The following METTL6 variants were observed in gnomAD, a reference collection of about 807,000 sequenced individuals.
METTL6 encodes the protein tRNA N(3)-cytidine methyltransferase METTL6.
METTL6 carries 22 observed loss-of-function variants against 26.4 expected under a neutral mutation model. The observed-to-expected ratio is 0.83, with a 90% CI of 0.59 to 1.19. The LOEUF is 1.19. METTL6 is among the 50% of genes most tolerant of loss of function. The probability of loss-of-function intolerance (pLI) is 0.00; values close to 1 mark genes in which losing one functional copy is unlikely to be tolerated. For missense variants in METTL6, 304 were observed against 324.8 expected (o/e 0.94, Z 0.49); for synonymous variants, 109 against 116.2 (o/e 0.94, Z 0.40).
Position 15,425,106 on chromosome 3 carries a change from C to CA in METTL6, c.226-18dup, listed in dbSNP as rs762557212. 3.7e-6 allele frequency: 6 copies of CA among 1,613,376 alleles called. No individual in the cohort carries two copies. The highest frequency in any genetic ancestry group is 1.3e-5 in the African/African-American group (1 of 74,836). On this transcript the variant is annotated splice_polypyrimidine_tract_variant and intron_variant, in intron 2 of 5. Transcript: ENST00000383790. ...ATCTTCAAACTGGGGAAAGACAGCTCAAAGTTATAGTATATCACATTTGCA... is the reference window on the plus strand; with the variant it reads ...ATCTTCAAACTGGGGAAAGACAGCTCAAAAGTTATAGTATATCACATTTGCA...
At chr3:15,389,538 T>A (rs2124896754) in intron 6 of METTL6, among the ~76,000 whole-genome samples, 1 of 152,246 alleles carries the variant, frequency 6.6e-6, no homozygotes, top group African/African-American at 2.4e-5. Context: ...TCCTCCAGAA[T>A]TTATTTTTTA....
upstream of METTL6, chr3:15,427,595 T>C: frequency 1.7e-6 from 1 of 600,298 alleles, no homozygotes; most frequent in Non-Finnish European, 2.9e-6. Flanking sequence ...CCTCCTCAGA[T>C]TCCTCTCTCA....
chr3:15,395,496 T>C (rs558764936), intron 6 of METTL6, among the ~76,000 whole-genome samples: 110 of 152,326 alleles, frequency 7.2e-4, no homozygotes, highest in Non-Finnish European at 1.3e-3. Context: ...TTAGTCCATT[T>C]ACATTTAAGG....
In METTL6 at chr3:15,415,916, T is replaced by C. The variant is rs1700186234; in HGVS notation, c.387A>G (p.Arg129=). The change falls in exon 4 of 6, where the codon AGA becomes AGG. Residue 129 remains arginine, a synonymous_variant. Transcript: ENST00000383790. ...VKQNPLYDTE[R]CKVFQCDLTK... ...TCAGATCACACTGGAATACCTTGCA[T>C]CTTTCTGTATCATATAAAGGATTTT... 6.2e-7 allele frequency: 1 copy of C among 1,612,718 alleles called. No homozygotes were observed. Among genetic ancestry groups the C allele is most frequent in the Non-Finnish European group, 8.5e-7 (1 of 1,179,672 alleles).
chr3:15,404,390 T>A (rs1466436740), intron 6 of METTL6, among the ~76,000 whole-genome samples: 1 of 152,200 alleles, frequency 6.6e-6, no homozygotes, highest in East Asian at 1.9e-4. Flanking sequence ...TCACACAGGC[T>A]GGAGTACAGT....
chr3:15,405,163 C>T (rs1480427821), downstream of METTL6, among the ~76,000 whole-genome samples: 1 of 152,002 alleles, frequency 6.6e-6, no homozygotes, highest in African/African-American at 2.4e-5. Context: ...TATTTACTCA[C>T]AGGAAAAAAA....
At position 15,411,425 on chromosome 3, in the gene METTL6, T is replaced by A. The variant is rs1699959876; in HGVS notation, c.686A>T (p.Gln229Leu). The A allele has an allele frequency of 1.2e-6, 2 of 1,613,538 alleles. No homozygotes were observed. The highest frequency in any genetic ancestry group is 1.7e-6 in the Non-Finnish European group (2 of 1,179,888). ...SYFFTDDFLA[Q>L]LFMDTGYEEV... ...TTCATAACCTGTGTCCATAAAGAGC[T>A]GAGCCAGGAAGTCTGTAAGACAAGC... Residue 229 changes from glutamine to leucine, a missense_variant, in exon 6 of 6, where the codon CAG becomes CTG. By Grantham distance (113) the Gln-to-Leu change is moderately radical. Transcript: ENST00000383790.
At chr3:15,400,082 C>T (rs56380514) in intron 6 of METTL6, among the ~76,000 whole-genome samples, 3,022 of 152,086 alleles carry the variant, frequency 0.02, 81 homozygotes, top group African/African-American at 0.067. Context: ...GATTGTGGGT[C>T]GACACGTCCC....
At chr3:15,422,303 G>A (rs562461547) in intron 3 of METTL6, among the ~76,000 whole-genome samples, 1 of 152,126 alleles carries the variant, frequency 6.6e-6, no homozygotes, top group South Asian at 2.1e-4. Flanking sequence ...TCCATCCTGG[G>A]TGACAGAGTG....
chr3:15,415,720 G>A, intron 4 of METTL6, 52 bp downstream of exon 4: 1 of 1,600,590 alleles, frequency 6.2e-7, no homozygotes, highest in Non-Finnish European at 8.5e-7. Context: ...GGGAAGGTAA[G>A]TAAAAGAATC....
intron 4 of METTL6, 118 bp from the exon 5 acceptor site, chr3:15,414,280 CA>C (rs760936280): frequency 1.4e-6 from 2 of 1,472,712 alleles, no homozygotes; most frequent in East Asian, 2.4e-5. Flanking sequence ...CTGAAATGCC[CA>C]TAATACGGAA....
In METTL6 at chr3:15,415,931, T is replaced by C. The variant is rs749091689; in HGVS notation, c.372A>G (p.Leu124=). The change falls in exon 4 of 6, where the codon TTA becomes TTG. Residue 124 remains leucine (L), a synonymous_variant. Coordinates refer to ENST00000383790, the MANE Select transcript of METTL6 (RefSeq NM_152396.4). Reference sequence around the variant, plus strand: ...ATACCTTGCATCTTTCTGTATCATATAAAGGATTTTGCTACAGGGGGAAGA... The same window carrying C: ...ATACCTTGCATCTTTCTGTATCATACAAAGGATTTTGCTACAGGGGGAAGA... The part of the protein sequence containing the change: ...RAIEYVKQNP[L]YDTERCKVFQ... The C allele has an allele frequency of 9.9e-6, 16 of 1,608,230 alleles. No homozygotes were observed. The highest frequency in any genetic ancestry group is 1.2e-5 in the Non-Finnish European group (14 of 1,177,662).
At chr3:15,422,959 A>G (rs951770334) in intron 3 of METTL6, among the ~76,000 whole-genome samples, 10 of 152,274 alleles carry the variant, frequency 6.6e-5, no homozygotes, top group African/African-American at 2.4e-4. Flanking sequence ...ATAATATAGA[A>G]CATAGAGGAA....
At position 15,413,959 on chromosome 3, in the gene METTL6, T is replaced by C. The variant is rs1700079337; in HGVS notation, c.673+62A>G. On this transcript the variant is annotated intron_variant, in intron 5 of 5. Transcript: ENST00000383790. ...TCTCCAAGCAGCCTTGCAGTGATAA[T>C]GCAATCAAATAAACAGAAACAAAGA... 3 of 1,609,814 alleles carry C rather than the reference T, an allele frequency of 1.9e-6. No individual in the cohort carries two copies. In the East Asian group the frequency reaches 6.7e-5, roughly 36 times the overall value.
At chr3:15,408,562 C>CTTTT (rs57787117), downstream of METTL6, among the ~76,000 whole-genome samples, 43,911 of 115,986 alleles carry the variant, frequency 0.38, 9,844 homozygotes, top group East Asian at 0.49. Flanking sequence ...GCTCCTTGCT[C>CTTTT]TTTTTTTTTT....
intron 5 of METTL6, among the ~76,000 whole-genome samples, chr3:15,411,969 T>C (rs757643755): frequency 6.6e-6 from 1 of 152,182 alleles, no homozygotes; most frequent in Non-Finnish European, 1.5e-5. Context: ...TTCGCCATGT[T>C]GGCCAGGCTG....
exon 7 of METTL6, chr3:15,384,139 A>C (rs776387243): frequency 3.0e-5 from 12 of 404,318 alleles, no homozygotes; most frequent in South Asian, 2.1e-4. Context: ...ACAAAAGCAC[A>C]GCCAGATATC....
intron 5 of METTL6, among the ~76,000 whole-genome samples, chr3:15,412,150 C>T (rs1699995701): frequency 6.6e-6 from 1 of 152,224 alleles, no homozygotes; most frequent in Non-Finnish European, 1.5e-5. Context: ...ACAAGGTCTG[C>T]ATGTGCTCAA....
Position 15,403,972 on chromosome 3 carries a change from G to A in METTL6, c.*11+7273C>T, listed in dbSNP as rs534435860. 1.8e-4 allele frequency among the ~76,000 whole-genome samples: 27 copies of A among 152,256 alleles called. No individual in the cohort carries two copies. In the South Asian group the frequency reaches 5.0e-3, roughly 28 times the overall value. ...GACTGTAGCAGTGAGGATGACAAGA[G>A]GTCACTCTCGTCGCCATCTTGGTTT... On this transcript the variant is annotated intron_variant, in intron 6 of 6. Transcript: ENST00000443029.
Sources: allele counts gnomAD v4.1 joint callset (sites outside exome capture counted in the v4.1 genomes callset), GRCh38; gene constraint gnomAD v4.1.1; transcripts MANE v1.5; gene names NCBI Gene and HGNC (gene_info 2026-07-23, HGNC 2026-07-21).